DMD: variants seen among roughly 807,000 people sequenced by gnomAD.
DMD encodes the protein mutant dystrophin.
DMD carries 63 observed loss-of-function variants against 330.1 expected under a neutral mutation model. That is an observed-to-expected ratio of 0.19 (90% confidence interval 0.16 to 0.24). DMD has a LOEUF of 0.24. DMD is among the 10% of genes least tolerant of loss of function. The pLI, the probability that DMD is intolerant of heterozygous loss-of-function variation, is 1.00. For missense variants in DMD, 3,344 were observed against 2,684.1 expected (o/e 1.25, Z -5.43); for synonymous variants, 1,223 against 959.8 (o/e 1.27, Z -5.07).
chrX:32,683,036 G>A (rs1235952665), intron 9 of DMD, among the ~76,000 whole-genome samples: 1 of 111,707 alleles, frequency 9.0e-6, no homozygotes, highest in East Asian at 2.8e-4. Flanking sequence ...TTAATAACCA[G>A]ATCTAGAATG....
intron 1 of DMD, among the ~76,000 whole-genome samples, chrX:33,149,894 T>C (rs993833207): frequency 6.3e-5 from 7 of 111,541 alleles, no homozygotes; most frequent in African/African-American, 2.3e-4. Context: ...AAAAAGTGAC[T>C]GGTGTTTTAA....
intron 60 of DMD, among the ~76,000 whole-genome samples, chrX:31,438,055 A>C (rs1210660345): frequency 9.1e-6 from 1 of 110,010 alleles, no homozygotes; most frequent in Non-Finnish European, 1.9e-5. Context: ...ATAGCAGCAA[A>C]TTGTGTTTCT....
intron 48 of DMD, among the ~76,000 whole-genome samples, chrX:31,858,294 T>C (rs1338501348): frequency 9.0e-6 from 1 of 111,727 alleles, no homozygotes; most frequent in Non-Finnish European, 1.9e-5. Context: ...ACATCTTCAT[T>C]GGAGAGAATC....
Position 33,010,002 on chromosome X carries a change from GTA to G in DMD, c.93+10135_93+10136del, listed in dbSNP as rs1491100450. On this transcript the variant is annotated intron_variant, in intron 2 of 78. Coordinates refer to ENST00000357033, the MANE Select transcript of DMD (RefSeq NM_004006.3). ...TACACATGTGTGTATATACACGTAT[GTA>G]TGTGTATATACACATATGTGTGTAC... Among the ~76,000 whole-genome samples, 11 of 62,559 alleles carry G rather than the reference GTA, an allele frequency of 1.8e-4. 2 individuals carry two copies. The highest frequency in any genetic ancestry group is 3.2e-4 in the African/African-American group (3 of 9,374). The allele number at this position is 62,559 out of a possible 115,157, so 54.3% of individuals were successfully genotyped here.
chrX:32,628,195 T>TA (rs2058479686), intron 11 of DMD, among the ~76,000 whole-genome samples: 1 of 99,906 alleles, frequency 1.0e-5, no homozygotes, highest in Non-Finnish European at 2.0e-5. Flanking sequence ...CCCGACCCAC[T>TA]AGCATTCCCA....
At chrX:32,731,857 C>G (rs1383654185) in intron 7 of DMD, among the ~76,000 whole-genome samples, 1 of 112,073 alleles carries the variant, frequency 8.9e-6, no homozygotes, top group African/African-American at 3.2e-5. Flanking sequence ...CAGAGCACCT[C>G]TCCTCCTCCA....
chrX:31,434,201 T>C (rs757341999), intron 60 of DMD, among the ~76,000 whole-genome samples: 1 of 111,665 alleles, frequency 9.0e-6, no homozygotes, highest in East Asian at 2.8e-4. Context: ...TGCAGTCCAT[T>C]ACTTCAAATG....
At chrX:32,863,537 T>TATACACACACAC (rs766140903) in intron 2 of DMD, among the ~76,000 whole-genome samples, 1 of 78,240 alleles carries the variant, frequency 1.3e-5, no homozygotes, top group African/African-American at 6.3e-5. Context: ...ATTGTGTTTA[T>TATACACACACAC]ACACACACAC....
chrX:32,644,851 T>C (rs2059685586), intron 10 of DMD, 113 bp downstream of exon 10: 9 of 917,508 alleles, frequency 9.8e-6, no homozygotes, highest in South Asian at 2.1e-5. Context: ...AAGCACATCA[T>C]AGTAACTAAA....
intron 2 of DMD, among the ~76,000 whole-genome samples, chrX:32,949,821 A>G (rs965674001): frequency 3.2e-5 from 3 of 92,444 alleles, no homozygotes; most frequent in African/African-American, 1.3e-4. Context: ...AAATTTGACA[A>G]CAATCAAAAA....
chrX:31,197,118 T>C (rs1474296646), intron 67 of DMD, among the ~76,000 whole-genome samples: 1 of 111,820 alleles, frequency 8.9e-6, no homozygotes, highest in East Asian at 2.8e-4. Context: ...GCTTTGCTTC[T>C]ATTGGTTCAT....
intron 60 of DMD, among the ~76,000 whole-genome samples, chrX:31,406,076 G>A (rs1467098532): frequency 2.7e-5 from 3 of 112,079 alleles, no homozygotes; most frequent in African/African-American, 9.7e-5. Flanking sequence ...AGCTCTTGAG[G>A]CTTGAACATA....
intron 19 of DMD, among the ~76,000 whole-genome samples, chrX:32,497,000 C>T (rs2023557): frequency 0.04 from 4,415 of 111,650 alleles, 104 homozygotes; most frequent in East Asian, 0.099. Context: ...TATGTCTTGC[C>T]ATTAAAATAT....
At chrX:31,986,572 T>C (rs1266159754) in intron 44 of DMD, among the ~76,000 whole-genome samples, 1 of 110,712 alleles carries the variant, frequency 9.0e-6, no homozygotes, top group Non-Finnish European at 1.9e-5. Context: ...ACCACCATGC[T>C]CAGCTAATTT....
At chrX:32,760,742 C>A (rs2072169050) in intron 7 of DMD, among the ~76,000 whole-genome samples, 1 of 111,893 alleles carries the variant, frequency 8.9e-6, no homozygotes, top group South Asian at 3.7e-4. Context: ...ATATAGGCAT[C>A]ATTATGATCA....
chrX:32,559,385 C>A lies in DMD; in HGVS notation c.1992+6317G>T, dbSNP rs1318314270. Among the ~76,000 whole-genome samples the A allele has an allele frequency of 2.7e-5, 3 of 111,478 alleles. No homozygotes were observed. The East Asian group carries it at 8.4e-4, about 31-fold the overall frequency. Reference sequence around the variant, plus strand: ...TAAGTAAGGTATTTTTATTTTAATTCCAGATTTTAAAAAATTATTTTCTTT... The same window carrying A: ...TAAGTAAGGTATTTTTATTTTAATTACAGATTTTAAAAAATTATTTTCTTT... On this transcript the variant is annotated intron_variant, in intron 16 of 78. Transcript: ENST00000357033.
chrX:31,835,256 A>G (rs1308779866), intron 49 of DMD, among the ~76,000 whole-genome samples: 7 of 112,392 alleles, frequency 6.2e-5, no homozygotes, highest in Non-Finnish European at 1.3e-4. Context: ...ACAAACCTTA[A>G]TTCATAGTCA....
intron 62 of DMD, among the ~76,000 whole-genome samples, chrX:31,264,351 T>C (rs1379648177): frequency 8.9e-6 from 1 of 112,041 alleles, no homozygotes; most frequent in African/African-American, 3.2e-5. Flanking sequence ...ACACTCCCCA[T>C]ATACCATGAA....
chrX:31,386,869 G>A (rs945743308), intron 60 of DMD, among the ~76,000 whole-genome samples: 1 of 111,644 alleles, frequency 9.0e-6, no homozygotes, highest in Non-Finnish European at 1.9e-5. Context: ...ATACTCAGGT[G>A]TTCCTGAGCT....
Sources: gnomAD v4.1 joint callset for allele counts (sites outside exome capture counted in the v4.1 genomes callset) on GRCh38, gnomAD v4.1.1 for gene constraint, MANE v1.5 for transcripts, NCBI Gene and HGNC (gene_info 2026-07-23, HGNC 2026-07-21) for gene names.